GPATCH8: variants seen among roughly 807,000 people sequenced by gnomAD.
GPATCH8 encodes the protein G patch domain-containing protein 8.
A neutral mutation model predicts 118.3 loss-of-function variants in GPATCH8; 18 were observed. The observed-to-expected ratio is 0.15, with a 90% CI of 0.11 to 0.23. The LOEUF is 0.23. Ranked by LOEUF, GPATCH8 falls within the 10% of genes least tolerant of loss-of-function variation. The pLI, the probability that GPATCH8 is intolerant of heterozygous loss-of-function variation, is 1.00. For missense variants in GPATCH8, 1,631 were observed against 1,873.8 expected (o/e 0.87, Z 2.39); for synonymous variants, 659 against 684.7 (o/e 0.96, Z 0.59).
At chr17:44,441,368 A>C (rs1407488161) in intron 3 of GPATCH8, among the ~76,000 whole-genome samples, 3 of 148,332 alleles carry the variant, frequency 2.0e-5, no homozygotes, top group Non-Finnish European at 4.5e-5. Flanking sequence ...AGATGTAAGA[A>C]CACCACAATG....
In GPATCH8 at chr17:44,418,166, G is replaced by A. The variant is rs557727269; in HGVS notation, c.492+6183C>T. Reference sequence around the variant, plus strand: ...GAGAGAGAGAAGAAAAGAAAAAGAGGAAGAAAGGAAGGGAGGAAGGGAGGG... The same window carrying A: ...GAGAGAGAGAAGAAAAGAAAAAGAGAAAGAAAGGAAGGGAGGAAGGGAGGG... On this transcript the variant is annotated intron_variant, in intron 6 of 7. Transcript: ENST00000591680. 1.1e-4 allele frequency among the ~76,000 whole-genome samples: 16 copies of A among 151,996 alleles called. No homozygotes were observed. In the South Asian group the frequency reaches 3.3e-3, roughly 32 times the overall value.
At chr17:44,416,791 C>G (rs184361302) in intron 6 of GPATCH8, among the ~76,000 whole-genome samples, 2 of 152,226 alleles carry the variant, frequency 1.3e-5, no homozygotes, top group Admixed American at 1.3e-4. Context: ...CTGTACAAAT[C>G]AGAATACAGT....
chr17:44,445,896 TTC>T (rs1478204144), intron 3 of GPATCH8: 1 of 152,166 alleles, frequency 6.6e-6, no homozygotes, highest in Non-Finnish European at 1.5e-5. Context: ...TGAATTACAG[TTC>T]TGTCACTAAT....
intron 3 of GPATCH8, among the ~76,000 whole-genome samples, chr17:44,436,977 T>C (rs757511775): frequency 1.3e-5 from 2 of 152,198 alleles, no homozygotes; most frequent in Non-Finnish European, 2.9e-5. Context: ...CATGGTTAAA[T>C]AGAAAAAGTA....
chr17:44,420,800 T>C (rs2049870386), intron 6 of GPATCH8, among the ~76,000 whole-genome samples: 1 of 152,214 alleles, frequency 6.6e-6, no homozygotes, highest in South Asian at 2.1e-4. Flanking sequence ...TTTTGCTTTT[T>C]TTCCCTTAAA....
At chr17:44,418,137 AAG>A (rs769572040) in intron 6 of GPATCH8, among the ~76,000 whole-genome samples, 41 of 151,800 alleles carry the variant, frequency 2.7e-4, no homozygotes, top group African/African-American at 7.0e-4. Flanking sequence ...AAAAGAGAGA[AAG>A]AGAGAGAGAG....
At chr17:44,462,104 C>A (rs895720055) in intron 3 of GPATCH8, among the ~76,000 whole-genome samples, 1 of 151,914 alleles carries the variant, frequency 6.6e-6, no homozygotes, top group Non-Finnish European at 1.5e-5. Flanking sequence ...ATCTCTTCTC[C>A]CTCCTTTCTC....
At chr17:44,483,176 AATATATATATAT>A (rs1163758356) in intron 1 of GPATCH8, among the ~76,000 whole-genome samples, 177 of 12,906 alleles carry the variant, frequency 0.014, 3 homozygotes, top group African/African-American at 0.017. Flanking sequence ...AAAAAAAAAA[AATATATATATAT>A]ATATATATAT....
In GPATCH8 at chr17:44,398,196, G is replaced by A. The variant is rs2048851206; in HGVS notation, c.3881C>T (p.Thr1294Ile). The change falls in exon 8 of 8, where the codon ACA becomes ATA. Residue 1294 changes from threonine to isoleucine, a missense_variant. This residue lies in a region of GPATCH8 where 922 missense variants were observed against 879.7 expected (regional missense o/e 1.05). Transcript: ENST00000591680. Reference protein sequence around the residue: ...PPSGDPSIESTDGAEDASLAP... With the variant: ...PPSGDPSIESIDGAEDASLAP... ...CAGTGAAGCATCCTCAGCCCCATCT[G>A]TTGACTCAATACTAGGATCCCCACT... 6.2e-7 allele frequency: 1 copy of A among 1,613,464 alleles called. No homozygotes were observed. Among genetic ancestry groups the A allele is most frequent in the African/African-American group, 1.3e-5 (1 of 74,892 alleles).
At chr17:44,501,111 A>T (rs1333963708) in intron 1 of GPATCH8, among the ~76,000 whole-genome samples, 5 of 152,180 alleles carry the variant, frequency 3.3e-5, no homozygotes, top group Non-Finnish European at 7.3e-5. Context: ...ATGCTAGGAC[A>T]TCTGAATTTT....
At chr17:44,406,398 A>G (rs908089886) in intron 6 of GPATCH8, among the ~76,000 whole-genome samples, 5 of 150,408 alleles carry the variant, frequency 3.3e-5, no homozygotes, top group African/African-American at 1.2e-4. Flanking sequence ...AACATGAGAT[A>G]AATTGTAATA....
At chr17:44,451,457 CAG>C (rs1420541276) in intron 3 of GPATCH8, among the ~76,000 whole-genome samples, 2 of 152,090 alleles carry the variant, frequency 1.3e-5, no homozygotes, top group African/African-American at 4.8e-5. Flanking sequence ...AAAACAGCAA[CAG>C]AGAATACATA....
chr17:44,399,743 G>A lies in GPATCH8; in HGVS notation c.2334C>T (p.Ser778=). 1 of 1,613,934 alleles carries A rather than the reference G, an allele frequency of 6.2e-7. No homozygotes were observed. The highest frequency in any genetic ancestry group is 1.1e-5 in the South Asian group (1 of 91,076). Residue 778 remains serine (S), a synonymous_variant, in exon 8 of 8, where the codon TCC becomes TCT. Transcript: ENST00000591680. ...TGTGTTTCCTCCCACCATGGTCTTG[G>A]GAGCTGCTACCACCCCCACCTTCAT... is the stretch of plus-strand genomic sequence containing the variant. ...KKDEGGGGSS[S]QDHGGRKHKG...
intron 5 of GPATCH8, among the ~76,000 whole-genome samples, chr17:44,433,995 G>C (rs2050410052): frequency 6.6e-6 from 1 of 151,440 alleles, no homozygotes; most frequent in South Asian, 2.1e-4. Context: ...AAAAAAATTA[G>C]CTGGCCGTGG....
chr17:44,429,958 G>A (rs1281820181), intron 5 of GPATCH8, among the ~76,000 whole-genome samples: 1 of 152,108 alleles, frequency 6.6e-6, no homozygotes, highest in Non-Finnish European at 1.5e-5. Flanking sequence ...GAACCCGGGA[G>A]GCACAGGTTG....
chr17:44,475,095 T>C (rs1967631829), intron 1 of GPATCH8, among the ~76,000 whole-genome samples, 192 bp from the exon 2 acceptor site: 1 of 152,126 alleles, frequency 6.6e-6, no homozygotes, highest in Admixed American at 6.5e-5. Flanking sequence ...TTTATAAAAA[T>C]GGGTCAGGCG....
intron 5 of GPATCH8, among the ~76,000 whole-genome samples, chr17:44,427,920 CATCCATCCATCCATGT>C (rs1189291840): frequency 6.6e-6 from 1 of 152,014 alleles, no homozygotes; most frequent in Non-Finnish European, 1.5e-5. Context: ...ATCCTATATC[CATCCATCCATCCATGT>C]ATCCATCCAT....
At chr17:44,435,492 C>T (rs1445897518) in intron 4 of GPATCH8, among the ~76,000 whole-genome samples, 1 of 144,184 alleles carries the variant, frequency 6.9e-6, no homozygotes, top group Non-Finnish European at 1.5e-5. Flanking sequence ...CCGCTCACTG[C>T]AACCTCTGCC....
At chr17:44,492,743 A>G (rs746565927) in intron 1 of GPATCH8, among the ~76,000 whole-genome samples, 1 of 152,154 alleles carries the variant, frequency 6.6e-6, no homozygotes, top group African/African-American at 2.4e-5. Flanking sequence ...ATATCACAGT[A>G]GTCAACTTTT....
Sources: gnomAD v4.1 joint callset for allele counts (sites outside exome capture counted in the v4.1 genomes callset) on GRCh38, gnomAD v4.1.1 for gene constraint, gnomAD v4.1.1 regional missense constraint, MANE v1.5 for transcripts, NCBI Gene and HGNC (gene_info 2026-07-23, HGNC 2026-07-21) for gene names.